Variants in C1GALT1 observed in about 807,000 individuals in gnomAD.
C1GALT1 encodes core 1 synthase, glycoprotein-N-acetylgalactosamine 3-beta-galactosyltransferase 1.
A neutral mutation model predicts 31.0 loss-of-function variants in C1GALT1; 11 were observed. The observed-to-expected ratio is 0.36, with a 90% confidence interval of 0.22 to 0.59. The LOEUF (loss-of-function observed/expected upper bound fraction) is 0.59. Ranked by LOEUF, C1GALT1 falls within the 20% of genes least tolerant of loss-of-function variation. The pLI is 0.79. For missense variants in C1GALT1, 424 were observed against 425.2 expected (o/e 1.00, Z 0.03); for synonymous variants, 175 against 143.6 (o/e 1.22, Z -1.56).
At chr7:7,158,489 T>C (rs902836353) in intron 2 of C1GALT1, among the ~76,000 whole-genome samples, 1 of 152,088 alleles carries the variant, frequency 6.6e-6, no homozygotes, top group African/African-American at 2.4e-5. Flanking sequence ...AATTTCCATA[T>C]CTGAGTATAA....
chr7:7,160,720 T>G (rs1028742733), intron 2 of C1GALT1, among the ~76,000 whole-genome samples: 1 of 151,964 alleles, frequency 6.6e-6, no homozygotes, highest in African/African-American at 2.4e-5. Context: ...ATAGAGGGCG[T>G]GTGTCGAAGT....
At chr7:7,180,636 C>A (rs1264991371), upstream of C1GALT1, among the ~76,000 whole-genome samples, 2 of 152,168 alleles carry the variant, frequency 1.3e-5, no homozygotes, top group Non-Finnish European at 2.9e-5. Context: ...AAATGGTTAT[C>A]TCTATATTAT....
intron 1 of C1GALT1, among the ~76,000 whole-genome samples, chr7:7,208,552 A>G (rs1046218560): frequency 3.9e-5 from 6 of 152,178 alleles, no homozygotes; most frequent in Admixed American, 6.5e-5. Context: ...AAAAAAGGAA[A>G]AGGACAAAAA....
intron 1 of C1GALT1, among the ~76,000 whole-genome samples, chr7:7,199,097 C>G (rs1400812768): frequency 6.6e-6 from 1 of 152,092 alleles, no homozygotes; most frequent in Non-Finnish European, 1.5e-5. Context: ...TGTGTTTGCT[C>G]TTGCTTCTCT....
chr7:7,236,855 G>C (rs576597254), intron 2 of C1GALT1, among the ~76,000 whole-genome samples: 41 of 152,232 alleles, frequency 2.7e-4, no homozygotes, highest in African/African-American at 6.7e-4. Flanking sequence ...GTTCCACCCA[G>C]CTTTTCCCAT....
At chr7:7,231,941 T>C (rs1175315681) in intron 1 of C1GALT1, among the ~76,000 whole-genome samples, 1 of 152,222 alleles carries the variant, frequency 6.6e-6, no homozygotes. Flanking sequence ...GATTGGTCTA[T>C]TTTTGTTTTG....
intron 1 of C1GALT1, among the ~76,000 whole-genome samples, chr7:7,184,137 C>T (rs1054313821): frequency 4.6e-5 from 7 of 152,184 alleles, no homozygotes; most frequent in African/African-American, 2.4e-5. Flanking sequence ...GTATATAGTA[C>T]ACTATACTTT....
At chr7:7,211,693 C>T (rs1413755141) in intron 1 of C1GALT1, among the ~76,000 whole-genome samples, 1 of 152,082 alleles carries the variant, frequency 6.6e-6, no homozygotes, top group East Asian at 1.9e-4. Context: ...TTTTATTTTC[C>T]TAAACAAAGA....
intron 1 of C1GALT1, among the ~76,000 whole-genome samples, chr7:7,221,689 A>T (rs1398572876): frequency 6.6e-6 from 1 of 152,264 alleles, no homozygotes; most frequent in Non-Finnish European, 1.5e-5. Context: ...AAATCCAAAC[A>T]AAGTGGTTTT....
intron 1 of C1GALT1, among the ~76,000 whole-genome samples, chr7:7,221,327 G>T (rs1446556316): frequency 6.6e-6 from 1 of 151,892 alleles, no homozygotes; most frequent in Admixed American, 6.6e-5. Context: ...GGAGTCTTTT[G>T]TCTTCTGATT....
intron 1 of C1GALT1, among the ~76,000 whole-genome samples, chr7:7,226,892 C>G (rs918205239): frequency 6.6e-6 from 1 of 151,966 alleles, no homozygotes; most frequent in African/African-American, 2.4e-5. Flanking sequence ...AAGCAGTTAA[C>G]AAAAATTGGT....
chr7:7,209,388 C>A (rs973567820), intron 1 of C1GALT1: 3 of 152,188 alleles, frequency 2.0e-5, no homozygotes, highest in Non-Finnish European at 4.4e-5. Context: ...GACTTTCTCA[C>A]CTCTTCTGAA....
At chr7:7,218,168 T>A (rs1782336918) in intron 1 of C1GALT1, among the ~76,000 whole-genome samples, 1 of 151,964 alleles carries the variant, frequency 6.6e-6, no homozygotes, top group Non-Finnish European at 1.5e-5. Flanking sequence ...GTCTGTGGAG[T>A]AGACAAAATC....
chr7:7,221,265 A>C (rs559794322), intron 1 of C1GALT1, among the ~76,000 whole-genome samples: 2 of 151,382 alleles, frequency 1.3e-5, no homozygotes, highest in African/African-American at 4.9e-5. Context: ...TCTTTATCTG[A>C]TTTACAGCTG....
At chr7:7,231,519 T>G (rs1783071856) in intron 1 of C1GALT1, among the ~76,000 whole-genome samples, 1 of 152,342 alleles carries the variant, frequency 6.6e-6, no homozygotes, top group South Asian at 2.1e-4. Flanking sequence ...TTTTCCATAC[T>G]TCATTCTGCG....
chr7:7,173,770 G>A (rs1780477828), intron 2 of C1GALT1, among the ~76,000 whole-genome samples: 2 of 152,118 alleles, frequency 1.3e-5, no homozygotes, highest in Non-Finnish European at 2.9e-5. Flanking sequence ...GGGCATGGTG[G>A]TGCATGCCTC....
intron 1 of C1GALT1, among the ~76,000 whole-genome samples, chr7:7,194,633 CT>C (rs367948267): frequency 1.3e-5 from 2 of 151,142 alleles, no homozygotes; most frequent in South Asian, 2.1e-4. Flanking sequence ...CTGTAGTTTT[CT>C]TTTTTTTTGT....
intron 1 of C1GALT1, among the ~76,000 whole-genome samples, chr7:7,230,008 G>C (rs1022085260): frequency 5.3e-5 from 8 of 152,064 alleles, no homozygotes; most frequent in Non-Finnish European, 5.9e-5. Context: ...CAAGATACTG[G>C]GCAGCTTTGC....
intron 2 of C1GALT1, among the ~76,000 whole-genome samples, chr7:7,168,372 T>G (rs910275759): frequency 4.6e-5 from 7 of 152,114 alleles, no homozygotes; most frequent in Non-Finnish European, 7.4e-5. Flanking sequence ...GTATATTATC[T>G]TAAAAAATAC....
Sources: allele counts gnomAD v4.1 joint callset (sites outside exome capture counted in the v4.1 genomes callset), GRCh38; gene constraint gnomAD v4.1.1; transcripts MANE v1.5; gene names NCBI Gene and HGNC (gene_info 2026-07-23, HGNC 2026-07-21).